Variants in WDFY3 observed in about 807,000 individuals in gnomAD.
WDFY3 encodes WD repeat and FYVE domain containing 3.
A neutral mutation model predicts 409.6 loss-of-function variants in WDFY3; 66 were observed. That is an observed-to-expected ratio of 0.16 (90% confidence interval 0.13 to 0.20). The LOEUF is 0.20. Among genes scored for constraint, WDFY3 ranks in the 10% least tolerant of loss-of-function variants. The probability of loss-of-function intolerance (pLI) is 1.00; values close to 1 mark genes in which losing one functional copy is unlikely to be tolerated. For missense variants in WDFY3, 3,031 were observed against 4,298.1 expected (o/e 0.71, Z 8.24); for synonymous variants, 1,521 against 1,537.1 (o/e 0.99, Z 0.25).
At chr4:84,757,304 G>T in intron 32 of WDFY3, 143 bp from the exon 33 acceptor site, 1 of 727,674 alleles carries the variant, frequency 1.4e-6, no homozygotes. Context: ...GTATTCAACT[G>T]TTGAATTAAT....
intron 43 of WDFY3, among the ~76,000 whole-genome samples, chr4:84,734,482 G>A (rs1375596413): frequency 6.6e-6 from 1 of 152,026 alleles, no homozygotes; most frequent in African/African-American, 2.4e-5. Flanking sequence ...TAACCATTCA[G>A]AAACCTTTAA....
chr4:84,770,945 A>G (rs1457037538), intron 30 of WDFY3, among the ~76,000 whole-genome samples: 3 of 152,206 alleles, frequency 2.0e-5, no homozygotes, highest in Non-Finnish European at 4.4e-5. Context: ...TTCTGACTTT[A>G]TTATTTCAAA....
At chr4:84,842,011 C>T (rs1007872453) in intron 5 of WDFY3, among the ~76,000 whole-genome samples, 3 of 151,972 alleles carry the variant, frequency 2.0e-5, no homozygotes, top group Non-Finnish European at 1.5e-5. Flanking sequence ...CATAAGACAG[C>T]CAATCACAGA....
intron 61 of WDFY3, among the ~76,000 whole-genome samples, chr4:84,689,087 G>A (rs750246979): frequency 6.6e-6 from 1 of 152,354 alleles, no homozygotes; most frequent in East Asian, 1.9e-4. Context: ...ACACTAGAAT[G>A]TAAGAGGTTG....
At chr4:84,797,424 C>T (rs1749650337) in intron 18 of WDFY3, among the ~76,000 whole-genome samples, 1 of 152,102 alleles carries the variant, frequency 6.6e-6, no homozygotes, top group Non-Finnish European at 1.5e-5. Context: ...AAATAAACTA[C>T]ATGAGTATAG....
intron 21 of WDFY3, among the ~76,000 whole-genome samples, chr4:84,792,896 A>G (rs981071816): frequency 6.6e-6 from 1 of 152,182 alleles, no homozygotes; most frequent in African/African-American, 2.4e-5. Flanking sequence ...AATACATTCT[A>G]GGTACTGTGT....
chr4:84,755,828 A>C (rs548374968), intron 33 of WDFY3, among the ~76,000 whole-genome samples: 52 of 152,330 alleles, frequency 3.4e-4, no homozygotes, highest in African/African-American at 1.2e-3. Flanking sequence ...TGATAAAATA[A>C]AATTAATTTA....
At chr4:84,718,057 CAAAAAAAAAAAA>C (rs35076143) in intron 48 of WDFY3, among the ~76,000 whole-genome samples, 10 of 61,358 alleles carry the variant, frequency 1.6e-4, no homozygotes, top group Non-Finnish European at 2.6e-4. Context: ...GACACTGTCT[CAAAAAAAAAAAA>C]AAAAAAAAAA....
At chr4:84,815,910 T>C (rs1753227903) in intron 13 of WDFY3, among the ~76,000 whole-genome samples, 1 of 152,148 alleles carries the variant, frequency 6.6e-6, no homozygotes, top group African/African-American at 2.4e-5. Flanking sequence ...TCTACTATCT[T>C]TAGTATCCAG....
intron 33 of WDFY3, 24 bp from the exon 34 acceptor site, chr4:84,755,424 T>C (rs1578378390): frequency 6.3e-7 from 1 of 1,579,806 alleles, no homozygotes; most frequent in Non-Finnish European, 8.5e-7. Context: ...AGGGAGCAAA[T>C]ATTAGCCACC....
intron 2 of WDFY3, among the ~76,000 whole-genome samples, chr4:84,911,263 G>C (rs1199918936): frequency 2.6e-5 from 4 of 152,026 alleles, no homozygotes; most frequent in African/African-American, 7.2e-5. Flanking sequence ...GAGGTGGGAG[G>C]ATCACTTGAA....
chr4:84,684,153 T>C (rs911803986), intron 62 of WDFY3, 28 bp from the exon 63 acceptor site: 2 of 1,498,422 alleles, frequency 1.3e-6, no homozygotes, highest in Non-Finnish European at 1.8e-6. Context: ...AACGTCATTC[T>C]CTTTGCTCCC....
In WDFY3 at chr4:84,728,841, A is replaced by G. The variant is rs532484718; in HGVS notation, c.7222-1930T>C. The stretch of plus-strand genomic sequence containing the variant: ...TATTTTGGCTTCCTTTTATTTAAAA[A>G]AGCATTAAATTATTACTATAATTCT... On this transcript the variant is annotated intron_variant, in intron 44 of 67. Coordinates refer to ENST00000295888, the MANE Select transcript of WDFY3 (RefSeq NM_014991.6). Among the ~76,000 whole-genome samples the G allele has an allele frequency of 2.6e-5, 4 of 152,310 alleles. No individual in the cohort carries two copies. The East Asian group carries it at 7.7e-4, about 29-fold the overall frequency.
chr4:84,839,065 T>C (rs1756977380), intron 6 of WDFY3, among the ~76,000 whole-genome samples: 1 of 152,160 alleles, frequency 6.6e-6, no homozygotes, highest in South Asian at 2.1e-4. Flanking sequence ...ATTACTAGGT[T>C]TAGCTGGCCA....
Position 84,794,915 on chromosome 4 carries a change from G to A in WDFY3, c.3232C>T (p.Leu1078Phe). The change falls in exon 20 of 68, where the codon CTT becomes TTT. Residue 1078 changes from leucine to phenylalanine, a missense_variant. Physicochemically the swap from Leu to Phe is conservative, Grantham distance 22. Transcript: ENST00000295888. ...CCACTGACCACAGCCCCATCAATAA[G>A]ACCTGTTGTGACGGTATTATTTGTA... The part of the protein sequence containing the change: ...APTNNTVTTG[L>F]IDGAVVSGIG... 6.3e-7 allele frequency: 1 copy of A among 1,581,198 alleles called. No individual in the cohort carries two copies. Among genetic ancestry groups the A allele is most frequent in the Non-Finnish European group, 8.6e-7 (1 of 1,168,624 alleles).
chr4:84,831,607 T>TA lies in WDFY3; in HGVS notation c.577-3dup, dbSNP rs764543953. ...AAAACTGCACAGTTTCACTAAGATC[T>TA]AAAAAATAAAACAAAACAAAACAAG... On this transcript the variant is annotated splice_region_variant and splice_polypyrimidine_tract_variant and intron_variant, in intron 7 of 67. Coordinates refer to ENST00000295888, the MANE Select transcript of WDFY3 (RefSeq NM_014991.6). 2.6e-5 allele frequency: 42 copies of TA among 1,598,996 alleles called. No homozygotes were observed. Among genetic ancestry groups the TA allele is most frequent in the Non-Finnish European group, 3.4e-5 (40 of 1,172,404 alleles).
intron 15 of WDFY3, chr4:84,804,145 T>A (rs192242219): frequency 9.8e-5 from 15 of 152,348 alleles, no homozygotes; most frequent in Admixed American, 7.2e-4. Flanking sequence ...CCCAGCCATG[T>A]CCTGAATGTA....
At chr4:84,702,062 G>A (rs1011546976) in intron 56 of WDFY3, among the ~76,000 whole-genome samples, 10 of 152,126 alleles carry the variant, frequency 6.6e-5, no homozygotes, top group Non-Finnish European at 1.0e-4. Flanking sequence ...AGGCTGGCGT[G>A]CAGTTCACGA....
intron 4 of WDFY3, among the ~76,000 whole-genome samples, chr4:84,853,055 G>A (rs763400126): frequency 3.9e-5 from 6 of 151,982 alleles, no homozygotes; most frequent in Non-Finnish European, 7.4e-5. Context: ...CACTGTGCCC[G>A]GCCAGAAACC....
Sources: gnomAD v4.1 joint callset for allele counts (sites outside exome capture counted in the v4.1 genomes callset) on GRCh38, gnomAD v4.1.1 for gene constraint, MANE v1.5 for transcripts, NCBI Gene and HGNC (gene_info 2026-07-23, HGNC 2026-07-21) for gene names.